Variants in ZC3HAV1 observed in about 807,000 individuals in gnomAD.
ZC3HAV1 encodes zinc finger CCCH-type antiviral protein 1.
Under a neutral mutation model 86.6 loss-of-function variants are expected in ZC3HAV1, and 41 were observed. The observed-to-expected ratio is 0.47, with a 90% CI of 0.37 to 0.61. The LOEUF is 0.61. Ranked by LOEUF, ZC3HAV1 falls within the 20% of genes least tolerant of loss-of-function variation. The pLI is 0.00. For missense variants in ZC3HAV1, 964 were observed against 1,141.1 expected (o/e 0.84, Z 2.24); for synonymous variants, 421 against 432.1 (o/e 0.97, Z 0.32).
At chr7:139,097,422 A>ATTTTTTTTTTT (rs1563140647) in intron 1 of ZC3HAV1, among the ~76,000 whole-genome samples, 3 of 79,468 alleles carry the variant, frequency 3.8e-5, no homozygotes, top group Non-Finnish European at 6.5e-5. Flanking sequence ...ATATATATAT[A>ATTTTTTTTTTT]TATATATTTT....
intron 4 of ZC3HAV1, among the ~76,000 whole-genome samples, 199 bp from the exon 5 acceptor site, chr7:139,078,852 T>C (rs1317466936): frequency 6.6e-6 from 1 of 152,228 alleles, no homozygotes; most frequent in Non-Finnish European, 1.5e-5. Flanking sequence ...CTGTGAAAGC[T>C]ATGTTTATTT....
intron 1 of ZC3HAV1, among the ~76,000 whole-genome samples, chr7:139,106,777 G>A (rs1328918637): frequency 2.0e-5 from 3 of 151,856 alleles, no homozygotes; most frequent in East Asian, 3.9e-4. Flanking sequence ...ACTGTATTAT[G>A]TTAATAAAAC....
In ZC3HAV1 at chr7:139,088,188, G is replaced by A. The variant is rs528570487; in HGVS notation, c.444+1436C>T. On this transcript the variant is annotated intron_variant, in intron 2 of 12. Coordinates refer to ENST00000242351, the MANE Select transcript of ZC3HAV1 (RefSeq NM_020119.4). ...CTTCTCTATTCATGGATTTTATCCA[G>A]CCAGATACCAGGCTTAAACAGTATT... Among the ~76,000 whole-genome samples the A allele has an allele frequency of 5.9e-5, 9 of 152,034 alleles. 1 individual carries two copies. In the South Asian group the frequency reaches 1.9e-3, roughly 32 times the overall value.
chr7:139,062,176 A>C (rs1227215202), intron 8 of ZC3HAV1, among the ~76,000 whole-genome samples: 1 of 152,108 alleles, frequency 6.6e-6, no homozygotes, highest in Non-Finnish European at 1.5e-5. Flanking sequence ...GGTTACACGC[A>C]TTTGTCAATA....
At chr7:139,067,040 C>T (rs1323983871) in intron 7 of ZC3HAV1, among the ~76,000 whole-genome samples, 1 of 152,192 alleles carries the variant, frequency 6.6e-6, no homozygotes, top group Non-Finnish European at 1.5e-5. Context: ...TAGCAAGCCT[C>T]TAGGGTCTAG....
At chr7:139,099,714 G>C (rs749176985) in intron 1 of ZC3HAV1, among the ~76,000 whole-genome samples, 1 of 152,178 alleles carries the variant, frequency 6.6e-6, no homozygotes, top group African/African-American at 2.4e-5. Flanking sequence ...ATCACCTGAG[G>C]TCAGGAGTTC....
In ZC3HAV1 at chr7:139,057,785, C is replaced by A. The variant is rs1287258088; in HGVS notation, c.2097-2490G>T. Among the ~76,000 whole-genome samples, 2 of 21,862 alleles carry A rather than the reference C, an allele frequency of 9.1e-5. 1 individual carries two copies. Among genetic ancestry groups the A allele is most frequent in the African/African-American group, 5.5e-4 (2 of 3,614 alleles). The allele number at this position is 21,862 out of a possible 152,430, so 14.3% of individuals were successfully genotyped here. On this transcript the variant is annotated intron_variant, in intron 9 of 12. Transcript: ENST00000242351. ...TCGATCTCCTGACCTCGTGATCCGC[C>A]CACCTCAGCCTCCCACAGTGCTGGG...
In ZC3HAV1 at chr7:139,044,390, G is replaced by A. The variant is rs1023857604; in HGVS notation, c.*3204C>T. ...TAAACATCTGTCTGTTTCAAACAGC[G>A]TAGTCATGCCTGAGCGTTTACATAA... is the stretch of plus-strand genomic sequence containing the variant. On this transcript the variant is annotated 3_prime_UTR_variant, in exon 13 of 13. Coordinates refer to ENST00000242351, the MANE Select transcript of ZC3HAV1 (RefSeq NM_020119.4). 1.4e-4 allele frequency: 21 copies of A among 152,202 alleles called. No individual in the cohort carries two copies. Among genetic ancestry groups the A allele is most frequent in the African/African-American group, 5.1e-4 (21 of 41,530 alleles). The allele number at this position is 152,202 out of a possible 1,614,324, so 9.4% of individuals were successfully genotyped here.
chr7:139,097,420 A>ATTTTTTTTTTTTT (rs1563140627), intron 1 of ZC3HAV1, among the ~76,000 whole-genome samples: 1 of 79,170 alleles, frequency 1.3e-5, no homozygotes, highest in Non-Finnish European at 2.2e-5. Flanking sequence ...ATATATATAT[A>ATTTTTTTTTTTTT]TATATATATT....
chr7:139,100,774 G>A lies in ZC3HAV1; in HGVS notation c.308+8250C>T, dbSNP rs186536252. ...AATTCCACTCTCCCTCTCTTTCCAC[G>A]GTCTCCCTCTCCCTCTCTTTCCACG... On this transcript the variant is annotated intron_variant, in intron 1 of 12. Coordinates refer to ENST00000242351, the MANE Select transcript of ZC3HAV1 (RefSeq NM_020119.4). Among the ~76,000 whole-genome samples the A allele has an allele frequency of 3.8e-5, 5 of 131,734 alleles. No homozygotes were observed. The East Asian group carries it at 1.1e-3, about 29-fold the overall frequency. 86.4% of individuals were successfully genotyped at this position (131,734 alleles called of 152,430 possible).
intron 1 of ZC3HAV1, among the ~76,000 whole-genome samples, chr7:139,098,608 C>T (rs1817672789): frequency 6.6e-6 from 1 of 152,024 alleles, no homozygotes; most frequent in South Asian, 2.1e-4. Context: ...TTTAGATCAG[C>T]CTAAGCAAAA....
At position 139,047,563 on chromosome 7, in the gene ZC3HAV1, T is replaced by C. The variant is rs1815995157; in HGVS notation, c.*31A>G. 8 of 1,612,876 alleles carry C rather than the reference T, an allele frequency of 5.0e-6. No individual in the cohort carries two copies. Among genetic ancestry groups the C allele is most frequent in the Non-Finnish European group, 6.8e-6 (8 of 1,179,710 alleles). On this transcript the variant is annotated 3_prime_UTR_variant, in exon 13 of 13. Coordinates refer to ENST00000242351, the MANE Select transcript of ZC3HAV1 (RefSeq NM_020119.4). ...GTTCTGTAAAGGAACAGAATGGTTATGGCATCCTTCTGACGCTGTATTCAT... is the reference window on the plus strand; with the variant it reads ...GTTCTGTAAAGGAACAGAATGGTTACGGCATCCTTCTGACGCTGTATTCAT...
rs1277848650 is a variant in ZC3HAV1, at chr7:139,046,603, CAG to C, written c.*989_*990del. The stretch of plus-strand genomic sequence containing the variant: ...CTTGCCAGCTCTTATTACCGCATTC[CAG>C]AGAGAGTCAACCTGGATGGAGTTTG... On this transcript the variant is annotated 3_prime_UTR_variant, in exon 13 of 13. Coordinates refer to ENST00000242351, the MANE Select transcript of ZC3HAV1 (RefSeq NM_020119.4). 6.6e-6 allele frequency: 1 copy of C among 152,172 alleles called. No individual in the cohort carries two copies. The allele number at this position is 152,172 out of a possible 1,614,324, so 9.4% of individuals were successfully genotyped here.
chr7:139,074,962 G>A (rs1179396168), intron 6 of ZC3HAV1, among the ~76,000 whole-genome samples: 1 of 152,154 alleles, frequency 6.6e-6, no homozygotes, highest in Non-Finnish European at 1.5e-5. Context: ...GAGAATTGCT[G>A]CTCTAAGAAA....
chr7:139,094,479 C>A, intron 1 of ZC3HAV1, among the ~76,000 whole-genome samples: 1 of 141,134 alleles, frequency 7.1e-6, no homozygotes, highest in Admixed American at 7.2e-5. Flanking sequence ...GGGCGAGTTG[C>A]AGTAGGAGGT....
intron 7 of ZC3HAV1, among the ~76,000 whole-genome samples, chr7:139,071,724 G>A (rs1305855889): frequency 3.3e-5 from 5 of 152,138 alleles, no homozygotes; most frequent in Admixed American, 2.0e-4. Flanking sequence ...GGAGAGAGAA[G>A]AGCAACAAGG....
At chr7:139,064,028 C>T (rs1033341253) in intron 8 of ZC3HAV1, among the ~76,000 whole-genome samples, 1 of 152,122 alleles carries the variant, frequency 6.6e-6, no homozygotes, top group African/African-American at 2.4e-5. Context: ...AGAAAGGTTC[C>T]TAAGGGAATG....
At position 139,055,181 on chromosome 7, in the gene ZC3HAV1, C is replaced by T. The variant is rs1188902081; in HGVS notation, c.2187+24G>A. The T allele has an allele frequency of 1.1e-5, 17 of 1,592,122 alleles. 1 individual carries two copies. In the Admixed American group the frequency reaches 2.9e-4, roughly 27 times the overall value. On this transcript the variant is annotated intron_variant, in intron 10 of 12. Coordinates refer to ENST00000242351, the MANE Select transcript of ZC3HAV1 (RefSeq NM_020119.4). Reference sequence around the variant, plus strand: ...TTTTCTAACTTTTAACAGACTCATCCACCAAACATGTAAAACCAAGTACCT... The same window carrying T: ...TTTTCTAACTTTTAACAGACTCATCTACCAAACATGTAAAACCAAGTACCT...
chr7:139,097,414 ATATATATATATATAT>A (rs1817625054), intron 1 of ZC3HAV1, among the ~76,000 whole-genome samples: 1 of 75,664 alleles, frequency 1.3e-5, no homozygotes, highest in Non-Finnish European at 2.3e-5. Context: ...ATATATATAT[ATATATATATATATAT>A]TTTTTTTTTT....
Sources: gnomAD v4.1 joint callset for allele counts (sites outside exome capture counted in the v4.1 genomes callset) on GRCh38, gnomAD v4.1.1 for gene constraint, MANE v1.5 for transcripts, NCBI Gene and HGNC (gene_info 2026-07-23, HGNC 2026-07-21) for gene names.